KIF16B: variants seen among roughly 807,000 people sequenced by gnomAD.
The protein encoded by KIF16B is kinesin-like protein KIF16B.
In KIF16B, 98 loss-of-function variants were observed where a neutral mutation model predicts 156.3. The observed-to-expected ratio is 0.63, with a 90% CI of 0.53 to 0.74. The LOEUF is 0.74. Among genes scored for constraint, KIF16B ranks in the 30% least tolerant of loss-of-function variants. KIF16B has a pLI of 0.00. For missense variants in KIF16B, 1,421 were observed against 1,606.5 expected, an observed-to-expected ratio of 0.88 and a Z score of 1.97; for synonymous variants, 564 against 583.7, an observed-to-expected ratio of 0.97 and a Z score of 0.49.
intron 25 of KIF16B, among the ~76,000 whole-genome samples, chr20:16,277,691 A>G: frequency 6.6e-6 from 1 of 152,058 alleles, no homozygotes; most frequent in East Asian, 1.9e-4. Flanking sequence ...GCATCTCCCC[A>G]GGTCAGCACG....
At chr20:16,307,366 T>C (rs1313130239) in intron 25 of KIF16B, among the ~76,000 whole-genome samples, 1 of 152,212 alleles carries the variant, frequency 6.6e-6, no homozygotes, top group African/African-American at 2.4e-5. Context: ...AACTTGGGGC[T>C]AATTTGGGCA....
At chr20:16,421,620 G>T (rs2066228168) in intron 15 of KIF16B, among the ~76,000 whole-genome samples, 4 of 151,942 alleles carry the variant, frequency 2.6e-5, no homozygotes, top group Non-Finnish European at 5.9e-5. Flanking sequence ...TTTCTTTAAT[G>T]AGATCTTTTG....
chr20:16,432,045 A>G (rs73898736), intron 12 of KIF16B, among the ~76,000 whole-genome samples: 19,890 of 151,864 alleles, frequency 0.13, 1,405 homozygotes, highest in Non-Finnish European at 0.17. Flanking sequence ...GTGAGTAGAC[A>G]CACAGAGTTC....
rs118084641 is a variant in KIF16B at position 16,367,831 on chromosome 20, T to C, written c.3498+2755A>G. 2,361 of 1,608,896 alleles carry C rather than the reference T, an allele frequency of 1.5e-3. 28 individuals are homozygous for C. The East Asian group carries it at 0.028, about 19-fold the overall frequency. ...ACACAGGAGGTCACGACACAGCTGTTGAGAGAGGTATTTGTTGTAACTGAA... is the reference window on the plus strand; with the variant it reads ...ACACAGGAGGTCACGACACAGCTGTCGAGAGAGGTATTTGTTGTAACTGAA... On this transcript the variant is annotated intron_variant, in intron 22 of 25. Transcript: ENST00000354981.
intron 24 of KIF16B, among the ~76,000 whole-genome samples, chr20:16,324,562 G>A (rs1237875015): frequency 6.6e-6 from 1 of 151,976 alleles, no homozygotes; most frequent in Non-Finnish European, 1.5e-5. Context: ...CACATCTTTG[G>A]TGATCAAAGA....
chr20:16,530,365 G>A (rs907822538), intron 1 of KIF16B, among the ~76,000 whole-genome samples: 4 of 152,170 alleles, frequency 2.6e-5, no homozygotes, highest in African/African-American at 9.7e-5. Flanking sequence ...TTCCCAGGCG[G>A]GCTTTCAAGA....
chr20:16,368,921 G>A, intron 22 of KIF16B: 2 of 985,858 alleles, frequency 2.0e-6, no homozygotes, highest in Middle Eastern at 1.0e-3. Context: ...TTTTCTGACT[G>A]ACTCTGAAAA....
At chr20:16,480,016 T>C (rs1429369160) in intron 12 of KIF16B, among the ~76,000 whole-genome samples, 1 of 152,148 alleles carries the variant, frequency 6.6e-6, no homozygotes, top group African/African-American at 2.4e-5. Flanking sequence ...GAAGGGGACA[T>C]GGCAGGGACT....
At chr20:16,312,775 C>T (rs1463848412) in intron 24 of KIF16B, among the ~76,000 whole-genome samples, 11 of 145,520 alleles carry the variant, frequency 7.6e-5, no homozygotes, top group Admixed American at 5.5e-4. Flanking sequence ...TCCTCCCACC[C>T]TTTTTTTTTT....
At chr20:16,367,824 C>T (rs752611109) in intron 22 of KIF16B, 11 of 1,610,650 alleles carry the variant, frequency 6.8e-6, no homozygotes, top group Non-Finnish European at 9.3e-6. Context: ...GGTCACGACA[C>T]AGCTGTTGAG....
intron 15 of KIF16B, among the ~76,000 whole-genome samples, chr20:16,409,375 G>T (rs2065864650): frequency 1.3e-5 from 2 of 152,126 alleles, no homozygotes; most frequent in South Asian, 4.2e-4. Flanking sequence ...GGCTTGAGAA[G>T]GAGGGAGAAA....
At chr20:16,479,049 G>A (rs2067901233) in intron 12 of KIF16B, among the ~76,000 whole-genome samples, 1 of 152,100 alleles carries the variant, frequency 6.6e-6, no homozygotes, top group Admixed American at 6.5e-5. Flanking sequence ...CAGAAAACGA[G>A]TACAATGAAT....
intron 25 of KIF16B, among the ~76,000 whole-genome samples, chr20:16,287,210 G>T (rs1037168047): frequency 6.6e-6 from 1 of 151,976 alleles, no homozygotes; most frequent in Non-Finnish European, 1.5e-5. Context: ...AAGTTTCTTT[G>T]GTTTCTATTT....
chr20:16,381,205 C>G (rs184157636), intron 18 of KIF16B, among the ~76,000 whole-genome samples: 2 of 152,068 alleles, frequency 1.3e-5, no homozygotes, highest in African/African-American at 2.4e-5. Context: ...CCCTGCCCCC[C>G]CATACACAAA....
intron 23 of KIF16B, among the ~76,000 whole-genome samples, chr20:16,352,457 A>C (rs989570321): frequency 2.4e-4 from 36 of 152,256 alleles, no homozygotes; most frequent in Non-Finnish European, 5.9e-5. Flanking sequence ...CATTTTAAAG[A>C]CCAGTGGTGG....
In KIF16B at chr20:16,526,168, C is replaced by CGTTCTCT. The variant is rs1568644042; in HGVS notation, c.148_154dup (p.Arg52GlnfsTer10). 1 of 1,606,004 alleles carries CGTTCTCT rather than the reference C, an allele frequency of 6.2e-7. No individual in the cohort carries two copies. Among genetic ancestry groups the CGTTCTCT allele is most frequent in the Admixed American group, 1.7e-5 (1 of 59,222 alleles). ...AAAGTCATAGGTGAAGGTCTTGGTC[C>CGTTCTCT]GTTCTCTTCCTGAGTCCCCAGTGCC... On this transcript the variant is annotated frameshift_variant, in exon 3 of 26. Transcript: ENST00000354981. LOFTEE classifies it high-confidence loss of function.
chr20:16,361,456 G>C (rs2064550996), intron 22 of KIF16B, among the ~76,000 whole-genome samples: 1 of 152,182 alleles, frequency 6.6e-6, no homozygotes. Flanking sequence ...GCTATGAGGG[G>C]ATCTTGTCTT....
chr20:16,458,844 G>T (rs2067276949), intron 12 of KIF16B, among the ~76,000 whole-genome samples: 1 of 151,950 alleles, frequency 6.6e-6, no homozygotes, highest in African/African-American at 2.4e-5. Context: ...TTAATGAGAT[G>T]ATTACTGGAA....
chr20:16,314,178 T>A lies in KIF16B; in HGVS notation c.3712-1760A>T, dbSNP rs148318723. On this transcript the variant is annotated intron_variant, in intron 24 of 25. Coordinates refer to ENST00000354981, the MANE Select transcript of KIF16B (RefSeq NM_024704.5). ...ATATTTGCATTTCTCTGATGACTGATGTTGTCAAACAACTCTTCACCTGCT... is the reference window on the plus strand; with the variant it reads ...ATATTTGCATTTCTCTGATGACTGAAGTTGTCAAACAACTCTTCACCTGCT... Among the ~76,000 whole-genome samples, 84 of 152,362 alleles carry A rather than the reference T, an allele frequency of 5.5e-4. 1 individual carries two copies. The East Asian group carries it at 0.013, about 23-fold the overall frequency.
Sources: allele counts gnomAD v4.1 joint callset (sites outside exome capture counted in the v4.1 genomes callset), GRCh38; gene constraint gnomAD v4.1.1; transcripts MANE v1.5; gene names NCBI Gene and HGNC (gene_info 2026-07-23, HGNC 2026-07-21).